PIGU: variants seen among roughly 807,000 people sequenced by gnomAD.
The protein encoded by PIGU is phosphatidylinositol glycan anchor biosynthesis class U, also known as GPI-anchor transamidase component PIGU.
A neutral mutation model predicts 49.9 loss-of-function variants in PIGU; 24 were observed. That is an observed-to-expected ratio of 0.48 (90% CI 0.35 to 0.68). PIGU has a LOEUF of 0.68. Among genes scored for constraint, PIGU ranks in the 30% least tolerant of loss-of-function variants. The pLI is 0.01. For synonymous variants in PIGU, 220 were observed against 205.7 expected (o/e 1.07, Z -0.59); for missense variants, 490 against 532.6 (o/e 0.92, Z 0.79).
chr20:34,615,679 G>C (rs1452794354), intron 7 of PIGU, among the ~76,000 whole-genome samples: 1 of 152,052 alleles, frequency 6.6e-6, no homozygotes, highest in African/African-American at 2.4e-5. Flanking sequence ...TGTCCCACTC[G>C]AGACATGAAT....
At chr20:34,616,259 C>T in intron 6 of PIGU, 120 bp from the exon 7 acceptor site, 1 of 1,084,494 alleles carries the variant, frequency 9.2e-7, no homozygotes, top group East Asian at 3.0e-5. Flanking sequence ...CCAAGTGCCT[C>T]CTGGTACACA....
intron 6 of PIGU, among the ~76,000 whole-genome samples, chr20:34,617,096 CA>C (rs1292493700): frequency 3.3e-5 from 5 of 152,156 alleles, no homozygotes; most frequent in Non-Finnish European, 7.4e-5. Context: ...GGTGTCCAGG[CA>C]AAAGTTTGCA....
chr20:34,592,955 T>C (rs571308183), intron 7 of PIGU, among the ~76,000 whole-genome samples: 1 of 152,180 alleles, frequency 6.6e-6, no homozygotes, highest in East Asian at 1.9e-4. Flanking sequence ...AACTGAAGAA[T>C]CTTTAAAAAG....
intron 7 of PIGU, among the ~76,000 whole-genome samples, chr20:34,602,371 C>T (rs559400121): frequency 1.3e-5 from 2 of 151,768 alleles, no homozygotes; most frequent in African/African-American, 2.4e-5. Flanking sequence ...CCGAGGTGGG[C>T]GGATGACTTG....
chr20:34,639,930 T>G (rs1013317753), intron 4 of PIGU, among the ~76,000 whole-genome samples: 2 of 152,136 alleles, frequency 1.3e-5, no homozygotes, highest in Non-Finnish European at 2.9e-5. Flanking sequence ...AAGTGCTTAG[T>G]GAGGACAGCT....
chr20:34,586,316 T>C (rs991923920), intron 8 of PIGU, among the ~76,000 whole-genome samples: 1 of 150,718 alleles, frequency 6.6e-6, no homozygotes, highest in African/African-American at 2.4e-5. Context: ...CTTGGTCAGA[T>C]TTCCCTGACT....
chr20:34,560,941 C>T lies in PIGU; in HGVS notation c.1233G>A (p.Arg411=). 2 of 1,613,102 alleles carry T rather than the reference C, an allele frequency of 1.2e-6. No homozygotes were observed. Among genetic ancestry groups the T allele is most frequent in the East Asian group, 2.2e-5 (1 of 44,844 alleles). ...LISDYFYAFL[R]REYYLTHGLY... Reference sequence around the variant, plus strand: ...GGCCATGTGTGAGGTAGTACTCCCGCCGCAGGAAGGCATAGAAGTAATCAG... The same window carrying T: ...GGCCATGTGTGAGGTAGTACTCCCGTCGCAGGAAGGCATAGAAGTAATCAG... The change falls in exon 12 of 12, where the codon CGG becomes CGA. Residue 411 remains arginine (R), a synonymous_variant. Transcript: ENST00000217446.
At chr20:34,594,564 A>G (rs1287240754) in intron 7 of PIGU, among the ~76,000 whole-genome samples, 1 of 152,232 alleles carries the variant, frequency 6.6e-6, no homozygotes, top group East Asian at 1.9e-4. Context: ...ACCTGAGGTC[A>G]GCAGTTCGAG....
intron 11 of PIGU, among the ~76,000 whole-genome samples, chr20:34,569,355 G>A (rs1256099181): frequency 2.0e-5 from 3 of 152,080 alleles, no homozygotes; most frequent in East Asian, 1.9e-4. Context: ...TCAGCCTCCT[G>A]AGTAGCTGGG....
intron 6 of PIGU, among the ~76,000 whole-genome samples, chr20:34,632,392 G>A (rs62213590): frequency 0.38 from 56,114 of 148,536 alleles, 10,954 homozygotes; most frequent in Admixed American, 0.54. Flanking sequence ...TTTTTGAGAC[G>A]GAGTCTCACT....
intron 1 of PIGU, among the ~76,000 whole-genome samples, chr20:34,676,216 G>A (rs1466601180): frequency 6.6e-6 from 1 of 151,978 alleles, no homozygotes; most frequent in African/African-American, 2.4e-5. Flanking sequence ...TCCTTCAAGA[G>A]TCAGCTCAAA....
At chr20:34,647,095 C>T (rs991284092) in intron 2 of PIGU, among the ~76,000 whole-genome samples, 2 of 151,978 alleles carry the variant, frequency 1.3e-5, no homozygotes, top group East Asian at 1.9e-4. Flanking sequence ...CTCCGCCTCC[C>T]GGGTTCAAGC....
chr20:34,638,036 C>T (rs1986023955), intron 4 of PIGU, 51 bp from the exon 5 acceptor site: 1 of 1,544,060 alleles, frequency 6.5e-7, no homozygotes, highest in Admixed American at 2.3e-5. Context: ...CAATTCACTT[C>T]CCATTGTTTT....
chr20:34,675,191 T>C, intron 1 of PIGU, among the ~76,000 whole-genome samples: 1 of 133,688 alleles, frequency 7.5e-6, no homozygotes, highest in East Asian at 2.1e-4. Context: ...GAGGTTATGG[T>C]GAGCCGAGAT....
chr20:34,641,400 G>A lies in PIGU; in HGVS notation c.318+2764C>T, dbSNP rs184770201. Among the ~76,000 whole-genome samples, 57 of 152,136 alleles carry A rather than the reference G, an allele frequency of 3.7e-4. No homozygotes were observed. In the East Asian group the frequency reaches 0.01, roughly 27 times the overall value. ...TTTACAACCCTCTAATCATATTAAG[G>A]GGACACAGGTTTTTATCATCCATTA... On this transcript the variant is annotated intron_variant, in intron 4 of 11. Coordinates refer to ENST00000217446, the MANE Select transcript of PIGU (RefSeq NM_080476.5).
intron 6 of PIGU, among the ~76,000 whole-genome samples, chr20:34,626,348 G>A (rs1434828731): frequency 1.3e-5 from 2 of 150,864 alleles, no homozygotes; most frequent in Non-Finnish European, 2.9e-5. Context: ...TGTTGCCCAG[G>A]CTGGAGTGCA....
At chr20:34,616,343 A>G (rs1042726648) in intron 6 of PIGU, among the ~76,000 whole-genome samples, 2 of 152,182 alleles carry the variant, frequency 1.3e-5, no homozygotes, top group Non-Finnish European at 2.9e-5. Context: ...GAAAGTCAAA[A>G]CCATCTACCT....
chr20:34,577,074 TA>T (rs2146701515), intron 10 of PIGU, among the ~76,000 whole-genome samples: 1 of 152,350 alleles, frequency 6.6e-6, no homozygotes, highest in South Asian at 2.1e-4. Context: ...CTCTAGGGGT[TA>T]TCACACAGGA....
At chr20:34,626,523 G>A (rs1172816435) in intron 6 of PIGU, among the ~76,000 whole-genome samples, 1 of 152,072 alleles carries the variant, frequency 6.6e-6, no homozygotes, top group Non-Finnish European at 1.5e-5. Flanking sequence ...GGCTAGTCAT[G>A]AACTCCTGAC....
Sources: allele counts gnomAD v4.1 joint callset (sites outside exome capture counted in the v4.1 genomes callset), GRCh38; gene constraint gnomAD v4.1.1; transcripts MANE v1.5; gene names NCBI Gene and HGNC (gene_info 2026-07-23, HGNC 2026-07-21).